The following MADD variants were observed in gnomAD, a reference collection of about 807,000 sequenced individuals.
MADD encodes the protein MAP kinase-activating death domain protein.
A neutral mutation model predicts 176.7 loss-of-function variants in MADD; 109 were observed. The ratio of observed to expected loss-of-function variants is 0.62; its 90% confidence interval spans 0.53 to 0.72. The LOEUF is 0.72. MADD is among the 30% of genes least tolerant of loss of function. The pLI is 0.00. For synonymous variants in MADD, 771 were observed against 771.3 expected (o/e 1.00, Z 0.01); for missense variants, 1,914 against 2,045.5 (o/e 0.94, Z 1.24).
At chr11:47,287,008 G>C (rs2061133824) in intron 15 of MADD, among the ~76,000 whole-genome samples, 1 of 152,180 alleles carries the variant, frequency 6.6e-6, no homozygotes, top group African/African-American at 2.4e-5. Flanking sequence ...AGGTAGTATT[G>C]GTTAGTTTCT....
chr11:47,327,632 C>G (rs1595718673), intron 31 of MADD: 2 of 985,400 alleles, frequency 2.0e-6, no homozygotes, highest in Non-Finnish European at 2.4e-6. Context: ...CCCGTGTGTT[C>G]CCTTCTCTCT....
In MADD at chr11:47,325,088, C is replaced by T. The variant is rs1157124229; in HGVS notation, c.4542+511C>T. 8 of 285,246 alleles carry T rather than the reference C, an allele frequency of 2.8e-5. No individual in the cohort carries two copies. The highest frequency in any genetic ancestry group is 1.0e-4 in the South Asian group (2 of 19,698). The allele number at this position is 285,246 out of a possible 1,614,324, so 17.7% of individuals were successfully genotyped here. A position where few individuals can be genotyped will look rare whatever the true frequency, so the allele number is the denominator to read the frequency against. ...TGTGTTTATTTGCCTTTTTCTTCTG[C>T]GGATTCTTCTTCCTGTTCTTTTCCT... On this transcript the variant is annotated intron_variant, in intron 30 of 32. Coordinates refer to ENST00000402192, the Ensembl canonical transcript of MADD. This position sits in a 1 kb window ranked among gnomAD's most constrained non-coding sequence, Gnocchi z 4.5.
In MADD at chr11:47,329,040, C is replaced by A; in HGVS notation, c.4660-6C>A. On this transcript the variant is annotated splice_region_variant and splice_polypyrimidine_tract_variant and intron_variant, in intron 32 of 32. Coordinates refer to ENST00000402192, the Ensembl canonical transcript of MADD. Reference sequence around the variant, plus strand: ...ATCGTGATCCGCCTGGTTTTCTCTCCTCTAGGCCCACGAAATCTGCTACTC... The same window carrying A: ...ATCGTGATCCGCCTGGTTTTCTCTCATCTAGGCCCACGAAATCTGCTACTC... 1 of 1,610,978 alleles carries A rather than the reference C, an allele frequency of 6.2e-7. No homozygotes were observed. The highest frequency in any genetic ancestry group is 1.7e-5 in the Admixed American group (1 of 60,026).
intron 26 of MADD, among the ~76,000 whole-genome samples, chr11:47,313,387 A>G (rs1351164899): frequency 2.0e-5 from 3 of 148,986 alleles, no homozygotes; most frequent in Admixed American, 6.7e-5. Flanking sequence ...GCTCACTGCT[A>G]CCTCCGCCTC....
At chr11:47,281,020 C>T (rs905679285) in intron 7 of MADD, among the ~76,000 whole-genome samples, 2 of 152,302 alleles carry the variant, frequency 1.3e-5, no homozygotes, top group South Asian at 2.1e-4. Context: ...CATATTGAAT[C>T]GGGATCTGCA....
chr11:47,294,348 C>A (rs1249180475), intron 20 of MADD, among the ~76,000 whole-genome samples: 5 of 143,906 alleles, frequency 3.5e-5, no homozygotes, highest in African/African-American at 1.3e-4. Context: ...AACTCCATCT[C>A]AAAAAAAAAA....
At chr11:47,272,258 T>G (rs1965329560) in intron 1 of MADD, 1 of 152,168 alleles carries the variant, frequency 6.6e-6, no homozygotes, top group Non-Finnish European at 1.5e-5. Context: ...GAGATAAAAC[T>G]GAATCCTATT....
In MADD at chr11:47,282,961, T is replaced by G. The variant is rs1042577575; in HGVS notation, c.1854T>G (p.Thr618=). 3 of 1,613,422 alleles carry G rather than the reference T, an allele frequency of 1.9e-6. No individual in the cohort carries two copies. The highest frequency in any genetic ancestry group is 3.6e-4 in the Middle Eastern group (2 of 5,570). The change falls in exon 10 of 33, where the codon ACT becomes ACG. Residue 618 remains threonine, a synonymous_variant. Coordinates refer to ENST00000402192, the Ensembl canonical transcript of MADD. ...AGCGGGACTCTGACTCCGAACCTAC[T>G]GATGATAGGTGAGCATCCTTAGGGC...
intron 26 of MADD, among the ~76,000 whole-genome samples, chr11:47,312,301 T>C (rs1304614228): frequency 1.3e-5 from 2 of 152,206 alleles, no homozygotes; most frequent in African/African-American, 4.8e-5. Flanking sequence ...CAGGCTGGAG[T>C]GCAGTAGCGC....
At chr11:47,285,044 G>C in exon 13 of MADD, 1 of 1,614,148 alleles carries the variant, frequency 6.2e-7, no homozygotes, top group South Asian at 1.1e-5. Context: ...GTGGACAGAC[G>C]TCAGGCAGAA....
At chr11:47,284,474 G>A (rs2059246302) in exon 12 of MADD, 1 of 1,614,140 alleles carries the variant, frequency 6.2e-7, no homozygotes, top group Non-Finnish European at 8.5e-7. Context: ...GGCCCAGACA[G>A]TGAGAACTCT....
At chr11:47,269,888 T>G (rs940008142), upstream of MADD, 1 of 152,108 alleles carries the variant, frequency 6.6e-6, no homozygotes, top group East Asian at 1.9e-4. Context: ...AGAGTCTCTC[T>G]GAGCAACCCA....
intron 7 of MADD, among the ~76,000 whole-genome samples, chr11:47,280,710 A>G (rs967804135): frequency 6.6e-6 from 1 of 152,152 alleles, no homozygotes; most frequent in Non-Finnish European, 1.5e-5. Flanking sequence ...GATTCCAGGC[A>G]CACACCACTG....
intron 27 of MADD, 144 bp from the exon 31 acceptor site, chr11:47,323,527 G>A (rs980853201): frequency 2.4e-5 from 17 of 705,610 alleles, no homozygotes; most frequent in African/African-American, 2.3e-4. Flanking sequence ...GTTCTGTTTT[G>A]TGTCTTCACC....
In MADD at chr11:47,286,584, C is replaced by A. The variant is rs768676728; in HGVS notation, c.2653+50C>A. 10 of 1,434,656 alleles carry A rather than the reference C, an allele frequency of 7.0e-6. No homozygotes were observed. In the South Asian group the frequency reaches 1.2e-4, roughly 17 times the overall value. The allele number at this position is 1,434,656 out of a possible 1,614,324, so 88.9% of individuals were successfully genotyped here. ...AGCCAGGTTTCTCCGGGAGATGTTT[C>A]GGGCTGTGGGTTCATGTCAGGAGCC... is the stretch of plus-strand genomic sequence containing the variant. On this transcript the variant is annotated intron_variant, in intron 15 of 32. Coordinates refer to ENST00000402192, the Ensembl canonical transcript of MADD.
chr11:47,306,014 G>A (rs371492950), intron 22 of MADD, among the ~76,000 whole-genome samples: 2 of 152,144 alleles, frequency 1.3e-5, no homozygotes, highest in South Asian at 4.1e-4. Flanking sequence ...GCAGGGTGCC[G>A]CTTCAAGTTA....
At chr11:47,286,877 C>T (rs1410004717) in intron 15 of MADD, among the ~76,000 whole-genome samples, 1 of 152,146 alleles carries the variant, frequency 6.6e-6, no homozygotes, top group African/African-American at 2.4e-5. Context: ...GGGCAAATTC[C>T]GTGCCAAGGA....
intron 19 of MADD, among the ~76,000 whole-genome samples, 182 bp downstream of exon 21, chr11:47,292,778 CCCTCGTGTCAATCAGGCTATAA>C (rs1316904384): frequency 1.3e-5 from 2 of 152,040 alleles, no homozygotes; most frequent in Admixed American, 1.3e-4. Flanking sequence ...TTTCCCCCTC[CCCTCGTGTCAATCAGGCTATAA>C]CCAGGTGTCT....
chr11:47,280,539 A>G (rs1248096766), intron 7 of MADD, among the ~76,000 whole-genome samples: 1 of 152,036 alleles, frequency 6.6e-6, no homozygotes, highest in Non-Finnish European at 1.5e-5. Context: ...AATAAATGGA[A>G]TTATATTTAA....
Sources: allele counts gnomAD v4.1 joint callset (sites outside exome capture counted in the v4.1 genomes callset), GRCh38; gene constraint gnomAD v4.1.1; non-coding constraint Gnocchi (gnomAD v3.1); transcripts MANE v1.5; gene names NCBI Gene and HGNC (gene_info 2026-07-23, HGNC 2026-07-21).